Variants in NRXN1 observed in about 807,000 individuals in gnomAD.
NRXN1 encodes neurexin-1.
Under a neutral mutation model 150.9 loss-of-function variants are expected in NRXN1, and 39 were observed. The observed-to-expected ratio is 0.26, with a 90% CI of 0.20 to 0.34. The LOEUF is 0.34. Among genes scored for constraint, NRXN1 ranks in the 10% least tolerant of loss-of-function variants. The pLI is 1.00. For synonymous variants in NRXN1, 924 were observed against 757.0 expected (o/e 1.22, Z -3.62); for missense variants, 1,815 against 1,949.9 (o/e 0.93, Z 1.30).
intron 5 of NRXN1, among the ~76,000 whole-genome samples, chr2:50,677,862 T>C (rs1689776097): frequency 6.6e-6 from 1 of 151,992 alleles, no homozygotes; most frequent in Non-Finnish European, 1.5e-5. Context: ...ACAAGAGGCA[T>C]ATTAGTGCTT....
At chr2:50,377,468 T>C (rs747960525) in intron 17 of NRXN1, among the ~76,000 whole-genome samples, 4 of 152,220 alleles carry the variant, frequency 2.6e-5, no homozygotes, top group Non-Finnish European at 4.4e-5. Context: ...CCATGATGTA[T>C]ATGTGCCACA....
At chr2:50,914,103 G>A (rs60184377) in intron 5 of NRXN1, among the ~76,000 whole-genome samples, 3 of 151,604 alleles carry the variant, frequency 2.0e-5, no homozygotes, top group Non-Finnish European at 4.4e-5. Context: ...TTTTTAATTC[G>A]AAGATTTCCT....
At chr2:50,887,576 T>C (rs1160411622) in intron 5 of NRXN1, among the ~76,000 whole-genome samples, 1 of 151,504 alleles carries the variant, frequency 6.6e-6, no homozygotes, top group African/African-American at 2.4e-5. Context: ...CATCTGTGAG[T>C]TTATCTAGTC....
rs572392847 is a variant in NRXN1, at chr2:50,416,338, G to A, written c.3364+49104C>T. ...GTAAAAGGTTGGGAGAACAAAATGC[G>A]CAAAGAAAGCTGAGAAACACTAATG... On this transcript the variant is annotated intron_variant, in intron 17 of 22. Transcript: ENST00000401669. Among the ~76,000 whole-genome samples, 35 of 152,030 alleles carry A rather than the reference G, an allele frequency of 2.3e-4. No homozygotes were observed. In the South Asian group the frequency reaches 5.4e-3, roughly 23 times the overall value.
At chr2:50,120,009 T>A (rs1703646566) in intron 18 of NRXN1, among the ~76,000 whole-genome samples, 1 of 152,182 alleles carries the variant, frequency 6.6e-6, no homozygotes, top group Non-Finnish European at 1.5e-5. Context: ...CCCAATTAGT[T>A]GTTCTGGACT....
At chr2:50,970,825 C>T (rs1239530939) in intron 2 of NRXN1, among the ~76,000 whole-genome samples, 2 of 151,716 alleles carry the variant, frequency 1.3e-5, no homozygotes, top group African/African-American at 4.8e-5. Context: ...TTTTAATGAT[C>T]TAAATCTTTC....
At chr2:50,190,873 A>G (rs969095005) in intron 18 of NRXN1, among the ~76,000 whole-genome samples, 10 of 152,006 alleles carry the variant, frequency 6.6e-5, no homozygotes, top group Admixed American at 6.6e-4. Context: ...TTGGCCTCAC[A>G]AAGTGCTGGG....
intron 17 of NRXN1, among the ~76,000 whole-genome samples, chr2:50,285,478 G>A (rs1444597979): frequency 2.0e-5 from 3 of 152,110 alleles, no homozygotes; most frequent in African/African-American, 7.2e-5. Flanking sequence ...AACCTAATGT[G>A]CACTTGTTTG....
At chr2:50,926,488 C>T (rs947290874) in intron 2 of NRXN1, among the ~76,000 whole-genome samples, 3 of 151,802 alleles carry the variant, frequency 2.0e-5, no homozygotes, top group Admixed American at 6.6e-5. Context: ...AGAAAAACAA[C>T]GTAACTATAT....
chr2:50,020,005 T>C (rs1687321086), intron 21 of NRXN1, among the ~76,000 whole-genome samples: 1 of 140,780 alleles, frequency 7.1e-6, no homozygotes, highest in Non-Finnish European at 1.5e-5. Flanking sequence ...AGCTACGTCC[T>C]CATTAACTAT....
chr2:49,962,563 A>G (rs1172292429), intron 21 of NRXN1, among the ~76,000 whole-genome samples: 1 of 152,172 alleles, frequency 6.6e-6, no homozygotes, highest in Non-Finnish European at 1.5e-5. Context: ...ATCACTCCTC[A>G]TCCTAATATA....
intron 9 of NRXN1, among the ~76,000 whole-genome samples, chr2:50,552,158 G>A (rs13412851): frequency 0.22 from 34,031 of 151,966 alleles, 3,906 homozygotes; most frequent in East Asian, 0.42. Context: ...AAAGTGTGAC[G>A]TGCCAAACTA....
At chr2:50,042,313 A>C (rs918784641) in intron 21 of NRXN1, among the ~76,000 whole-genome samples, 5 of 152,172 alleles carry the variant, frequency 3.3e-5, no homozygotes, top group African/African-American at 7.2e-5. Context: ...TAACTGAATC[A>C]GGGAGGTGGT....
chr2:50,670,683 G>T (rs1688714616), intron 5 of NRXN1, among the ~76,000 whole-genome samples: 2 of 151,828 alleles, frequency 1.3e-5, no homozygotes, highest in African/African-American at 4.8e-5. Context: ...TAGTTGTCCT[G>T]TCTCCCTAAT....
chr2:50,414,475 A>G lies in NRXN1; in HGVS notation c.3364+50967T>C, dbSNP rs1393716064. 4.6e-5 allele frequency among the ~76,000 whole-genome samples: 7 copies of G among 152,112 alleles called. No homozygotes were observed. In the East Asian group the frequency reaches 9.6e-4, roughly 21 times the overall value. On this transcript the variant is annotated intron_variant, in intron 17 of 22. Coordinates refer to ENST00000401669, the MANE Select transcript of NRXN1 (RefSeq NM_001330078.2). ...TATACACACAAAAATTTGTATAAAC[A>G]TACCTTTTTTTCTTTTGGGAATATT...
chr2:50,480,847 TGA>T lies in NRXN1; in HGVS notation c.3071-8378_3071-8377del, dbSNP rs1212812333. Reference sequence around the variant, plus strand: ...GAACTGAAATGTACAGAGTCCTGAGTGAGAGAGGTCTTCCTTACTGCTTTGAA... The same window carrying T: ...GAACTGAAATGTACAGAGTCCTGAGTGAGAGGTCTTCCTTACTGCTTTGAA... On this transcript the variant is annotated intron_variant, in intron 15 of 22. Transcript: ENST00000401669. 4.0e-5 allele frequency among the ~76,000 whole-genome samples: 6 copies of T among 150,724 alleles called. No individual in the cohort carries two copies. The South Asian group carries it at 8.4e-4, about 21-fold the overall frequency.
intron 5 of NRXN1, among the ~76,000 whole-genome samples, chr2:50,796,754 C>T (rs1706888566): frequency 1.3e-5 from 2 of 152,178 alleles, no homozygotes; most frequent in African/African-American, 2.4e-5. Context: ...TTTTTCATAA[C>T]AATCCCATAA....
At chr2:50,164,970 A>G (rs1474904618) in intron 18 of NRXN1, among the ~76,000 whole-genome samples, 1 of 152,158 alleles carries the variant, frequency 6.6e-6, no homozygotes, top group East Asian at 1.9e-4. Flanking sequence ...TTGAGGCTAT[A>G]CATGAGGAGA....
At chr2:50,190,762 G>A (rs1390975462) in intron 18 of NRXN1, among the ~76,000 whole-genome samples, 6 of 151,426 alleles carry the variant, frequency 4.0e-5, no homozygotes, top group Admixed American at 1.3e-4. Context: ...ACAGGCATGC[G>A]CCACCATGGC....
Sources: allele counts gnomAD v4.1 joint callset (sites outside exome capture counted in the v4.1 genomes callset), GRCh38; gene constraint gnomAD v4.1.1; transcripts MANE v1.5; gene names NCBI Gene and HGNC (gene_info 2026-07-23, HGNC 2026-07-21).